SLC41A2: variants seen among roughly 807,000 people sequenced by gnomAD.
SLC41A2 encodes solute carrier family 41 member 2.
A neutral mutation model predicts 58.3 loss-of-function variants in SLC41A2; 32 were observed. That is an observed-to-expected ratio of 0.55 (90% CI 0.41 to 0.74). The LOEUF (loss-of-function observed/expected upper bound fraction) is 0.74, where lower values mean the gene tolerates loss of function less well. SLC41A2 is among the 30% of genes least tolerant of loss of function. The pLI, the probability that SLC41A2 is intolerant of heterozygous loss-of-function variation, is 0.00. For missense variants in SLC41A2, 514 were observed against 680.6 expected (o/e 0.76, Z 2.72); for synonymous variants, 190 against 235.0 (o/e 0.81, Z 1.75).
chr12:104,874,565 T>G (rs1455578116), intron 6 of SLC41A2, among the ~76,000 whole-genome samples: 2 of 152,196 alleles, frequency 1.3e-5, no homozygotes, highest in Non-Finnish European at 2.9e-5. Context: ...GTTTCATTCT[T>G]TTGCATGTGG....
intron 10 of SLC41A2, among the ~76,000 whole-genome samples, chr12:104,821,843 G>C (rs1267430711): frequency 6.6e-6 from 1 of 152,156 alleles, no homozygotes; most frequent in Non-Finnish European, 1.5e-5. Context: ...AAGTGCACTA[G>C]CATTCACTAT....
At chr12:104,861,771 C>T (rs1456255701) in intron 7 of SLC41A2, among the ~76,000 whole-genome samples, 1 of 151,876 alleles carries the variant, frequency 6.6e-6, no homozygotes, top group Non-Finnish European at 1.5e-5. Context: ...ATTGATCACT[C>T]TTATAATTTA....
chr12:104,921,581 G>T (rs1348234670), intron 2 of SLC41A2, among the ~76,000 whole-genome samples: 2 of 150,832 alleles, frequency 1.3e-5, no homozygotes, highest in African/African-American at 4.9e-5. Context: ...GGAGAATTCA[G>T]CACCTCTAGT....
In SLC41A2 at chr12:104,805,024, G is replaced by T; in HGVS notation, c.*128C>A. The T allele has an allele frequency of 1.4e-6, 1 of 730,064 alleles. No homozygotes were observed. Among genetic ancestry groups the T allele is most frequent in the Non-Finnish European group, 2.1e-6 (1 of 474,376 alleles). 45.2% of individuals were successfully genotyped at this position (730,064 alleles called of 1,614,324 possible). On this transcript the variant is annotated 3_prime_UTR_variant, in exon 11 of 11. Coordinates refer to ENST00000258538, the MANE Select transcript of SLC41A2 (RefSeq NM_001352171.3). ...AAAAAAAAATTAAGGCCATTTAATT[G>T]AATCAGGGCCAACTGAAGATTACCC...
intron 10 of SLC41A2, among the ~76,000 whole-genome samples, chr12:104,826,343 C>A (rs749907801): frequency 6.6e-6 from 1 of 152,148 alleles, no homozygotes; most frequent in African/African-American, 2.4e-5. Context: ...TCTGTAGATG[C>A]GAGGACAGAT....
intron 10 of SLC41A2, among the ~76,000 whole-genome samples, chr12:104,826,699 A>G (rs1446015060): frequency 3.3e-5 from 5 of 152,158 alleles, no homozygotes; most frequent in Non-Finnish European, 7.4e-5. Context: ...CCTTCTCCCT[A>G]CAGAACTTAA....
chr12:104,886,518 T>C lies in SLC41A2; in HGVS notation c.881-79A>G, dbSNP rs2044672831. Reference sequence around the variant, plus strand: ...CCCCCAAATACCAAAATGTGTAGGATAGAAAAACAGCATATCAATTCCAGT... The same window carrying C: ...CCCCCAAATACCAAAATGTGTAGGACAGAAAAACAGCATATCAATTCCAGT... On this transcript the variant is annotated intron_variant, in intron 5 of 10. Transcript: ENST00000258538. 4.2e-6 allele frequency: 6 copies of C among 1,436,848 alleles called. No homozygotes were observed. The South Asian group carries it at 5.0e-5, about 12-fold the overall frequency. 89.0% of individuals were successfully genotyped at this position (1,436,848 alleles called of 1,614,324 possible). A position where few individuals can be genotyped will look rare whatever the true frequency, so the allele number is the denominator to read the frequency against.
intron 3 of SLC41A2, among the ~76,000 whole-genome samples, chr12:104,904,277 TA>T (rs2045702186): frequency 6.6e-6 from 1 of 152,218 alleles, no homozygotes; most frequent in African/African-American, 2.4e-5. Context: ...TAACTATGTT[TA>T]TCAGAGCAAA....
At chr12:104,874,114 C>T (rs1366805517) in intron 6 of SLC41A2, among the ~76,000 whole-genome samples, 3 of 145,096 alleles carry the variant, frequency 2.1e-5, no homozygotes, top group East Asian at 2.0e-4. Flanking sequence ...TGCTCAGTTG[C>T]CCAGGCTAGA....
At chr12:104,828,196 T>A (rs2468340) in intron 10 of SLC41A2, among the ~76,000 whole-genome samples, 1 of 152,038 alleles carries the variant, frequency 6.6e-6, no homozygotes, top group Non-Finnish European at 1.5e-5. Flanking sequence ...ACCGGCATGC[T>A]GGCAGGCCAT....
At chr12:104,902,355 C>T (rs1335190629) in intron 3 of SLC41A2, among the ~76,000 whole-genome samples, 1 of 151,934 alleles carries the variant, frequency 6.6e-6, no homozygotes, top group Non-Finnish European at 1.5e-5. Flanking sequence ...TGGACAGTAA[C>T]TGGATAGAGA....
At chr12:104,883,742 G>C (rs1021143109) in intron 6 of SLC41A2, among the ~76,000 whole-genome samples, 2 of 152,184 alleles carry the variant, frequency 1.3e-5, no homozygotes, top group Non-Finnish European at 2.9e-5. Context: ...GGCTGTATGA[G>C]GTGTCAGTTG....
intron 8 of SLC41A2, among the ~76,000 whole-genome samples, chr12:104,846,585 G>A (rs1417784124): frequency 1.3e-5 from 2 of 152,248 alleles, no homozygotes; most frequent in Non-Finnish European, 2.9e-5. Context: ...ACTGATGAGT[G>A]TAGGACTGCC....
intron 2 of SLC41A2, among the ~76,000 whole-genome samples, chr12:104,918,964 C>T (rs1045248972): frequency 6.6e-6 from 1 of 152,142 alleles, no homozygotes; most frequent in Non-Finnish European, 1.5e-5. Flanking sequence ...TCCATCACCA[C>T]AAGGAGCTCT....
intron 1 of SLC41A2, among the ~76,000 whole-genome samples, chr12:104,930,333 A>G (rs994816261): frequency 9.2e-5 from 14 of 152,176 alleles, no homozygotes; most frequent in African/African-American, 3.4e-4. Context: ...AGATAAAACG[A>G]TGTAGTCCCC....
chr12:104,953,461 C>T (rs1296774617), intron 1 of SLC41A2, among the ~76,000 whole-genome samples: 3 of 152,214 alleles, frequency 2.0e-5, no homozygotes, highest in African/African-American at 7.2e-5. Context: ...AGGAAAGTGA[C>T]TTATCTAATT....
At chr12:104,855,838 G>A (rs115904900) in intron 8 of SLC41A2, among the ~76,000 whole-genome samples, 2,166 of 152,244 alleles carry the variant, frequency 0.014, 47 homozygotes, top group African/African-American at 0.047. Flanking sequence ...AGCTAACACC[G>A]CTAACTGACA....
At chr12:104,825,234 G>T (rs991769490) in intron 10 of SLC41A2, among the ~76,000 whole-genome samples, 15 of 152,142 alleles carry the variant, frequency 9.9e-5, no homozygotes, top group African/African-American at 3.6e-4. Flanking sequence ...GTGGCTCAGG[G>T]CACCTCTCCT....
chr12:104,804,908 G>A lies in SLC41A2; in HGVS notation c.*244C>T, dbSNP rs1200638349. ...TTCTTTCCTAATTAATTTCAGAGCT[G>A]GAACTTATATCTATGTCTATGTCAA... On this transcript the variant is annotated 3_prime_UTR_variant, in exon 11 of 11. Transcript: ENST00000258538. The A allele has an allele frequency of 2.8e-5, 8 of 288,786 alleles. No homozygotes were observed. Among genetic ancestry groups the A allele is most frequent in the Non-Finnish European group, 5.1e-5 (8 of 156,066 alleles). The allele number at this position is 288,786 out of a possible 1,614,324, so 17.9% of individuals were successfully genotyped here. A position where few individuals can be genotyped will look rare whatever the true frequency, so the allele number is the denominator to read the frequency against.
Sources: gnomAD v4.1 joint callset for allele counts (sites outside exome capture counted in the v4.1 genomes callset) on GRCh38, gnomAD v4.1.1 for gene constraint, MANE v1.5 for transcripts, NCBI Gene and HGNC (gene_info 2026-07-23, HGNC 2026-07-21) for gene names.